The following NKAIN3 variants were observed in gnomAD, a reference collection of about 807,000 sequenced individuals.
NKAIN3 encodes sodium/potassium-transporting ATPase subunit beta-1-interacting protein 3.
A neutral mutation model predicts 30.2 loss-of-function variants in NKAIN3; 25 were observed. The ratio of observed to expected loss-of-function variants is 0.83; its 90% CI spans 0.60 to 1.16. The LOEUF is 1.16. Ranked by LOEUF, NKAIN3 falls within the 50% of genes most tolerant of loss-of-function variation. The pLI, the probability that NKAIN3 is intolerant of heterozygous loss-of-function variation, is 0.00. For missense variants in NKAIN3, 225 were observed against 254.1 expected, an observed-to-expected ratio of 0.89 and a Z score of 0.78; for synonymous variants, 91 against 89.6, an observed-to-expected ratio of 1.02 and a Z score of -0.09.
intron 3 of NKAIN3, among the ~76,000 whole-genome samples, chr8:62,630,595 A>G (rs555733193): frequency 2.6e-5 from 4 of 152,286 alleles, no homozygotes; most frequent in African/African-American, 9.6e-5. Flanking sequence ...GTGTGTATCC[A>G]GAACACCATG....
intron 1 of NKAIN3, among the ~76,000 whole-genome samples, chr8:62,340,122 C>G (rs985968280): frequency 1.3e-5 from 2 of 151,970 alleles, no homozygotes; most frequent in Non-Finnish European, 2.9e-5. Flanking sequence ...TGCAGGAAAA[C>G]TGTATTTTTA....
intron 4 of NKAIN3, among the ~76,000 whole-genome samples, chr8:62,844,854 GC>G (rs575835720): frequency 6.6e-6 from 1 of 152,012 alleles, no homozygotes; most frequent in Non-Finnish European, 1.5e-5. Context: ...GAAATATTGA[GC>G]CTGGGCAGTC....
chr8:62,426,004 A>G (rs1457926296), intron 1 of NKAIN3, among the ~76,000 whole-genome samples: 1 of 151,954 alleles, frequency 6.6e-6, no homozygotes, highest in Non-Finnish European at 1.5e-5. Flanking sequence ...GTCTACTTTA[A>G]TGGATTTGAT....
intron 4 of NKAIN3, among the ~76,000 whole-genome samples, chr8:62,806,626 T>A (rs4557699): frequency 1.3e-5 from 2 of 151,616 alleles, no homozygotes; most frequent in African/African-American, 4.9e-5. Flanking sequence ...GACACTGGAA[T>A]GAGAACATCA....
intron 4 of NKAIN3, among the ~76,000 whole-genome samples, chr8:62,767,702 C>T (rs1008056642): frequency 1.3e-5 from 2 of 151,894 alleles, no homozygotes; most frequent in African/African-American, 2.4e-5. Context: ...GTCTGCTAGA[C>T]CGATCTTCTC....
intron 3 of NKAIN3, among the ~76,000 whole-genome samples, chr8:62,689,327 C>A (rs943112689): frequency 6.6e-6 from 1 of 152,096 alleles, no homozygotes; most frequent in African/African-American, 2.4e-5. Context: ...AGAACACAGC[C>A]CCCAGAGACC....
intron 4 of NKAIN3, among the ~76,000 whole-genome samples, chr8:62,775,795 T>A (rs1817175489): frequency 6.6e-6 from 1 of 152,126 alleles, no homozygotes; most frequent in Admixed American, 6.6e-5. Flanking sequence ...TCTGCAAATA[T>A]CTATTAGGCC....
intron 3 of NKAIN3, among the ~76,000 whole-genome samples, chr8:62,662,720 A>C (rs1193894187): frequency 6.6e-6 from 1 of 152,230 alleles, no homozygotes; most frequent in African/African-American, 2.4e-5. Context: ...ATTACTTAGT[A>C]GATTAGTTGG....
At chr8:62,422,545 C>G (rs554478520) in intron 1 of NKAIN3, among the ~76,000 whole-genome samples, 1 of 152,178 alleles carries the variant, frequency 6.6e-6, no homozygotes, top group Non-Finnish European at 1.5e-5. Flanking sequence ...TGTAGAAGAT[C>G]GCAAATGGCA....
chr8:62,393,609 A>G (rs561600405), intron 1 of NKAIN3, among the ~76,000 whole-genome samples: 1 of 152,074 alleles, frequency 6.6e-6, no homozygotes, highest in African/African-American at 2.4e-5. Context: ...ACAAATATTA[A>G]CATTGGCTTG....
At chr8:62,448,869 C>G (rs953713408) in intron 1 of NKAIN3, among the ~76,000 whole-genome samples, 72 of 152,050 alleles carry the variant, frequency 4.7e-4, no homozygotes, top group African/African-American at 1.6e-3. Flanking sequence ...GGCTTCCCAG[C>G]TTTTTTCCTT....
In NKAIN3 at chr8:62,412,776, G is replaced by C. The variant is rs940321573; in HGVS notation, c.54+163649G>C. On this transcript the variant is annotated intron_variant, in intron 1 of 6. Coordinates refer to ENST00000623646, the MANE Select transcript of NKAIN3 (RefSeq NM_001304533.3). Reference sequence around the variant, plus strand: ...AAAATACAAAAATTAGCCGAGCATAGTGGTGGGTGCCTGTAGCCCCAGCTA... The same window carrying C: ...AAAATACAAAAATTAGCCGAGCATACTGGTGGGTGCCTGTAGCCCCAGCTA... Among the ~76,000 whole-genome samples, 6 of 151,596 alleles carry C rather than the reference G, an allele frequency of 4.0e-5. No individual in the cohort carries two copies. In the South Asian group the frequency reaches 6.3e-4, roughly 16 times the overall value.
chr8:62,730,125 T>A (rs1815421610), intron 3 of NKAIN3, among the ~76,000 whole-genome samples: 1 of 152,180 alleles, frequency 6.6e-6, no homozygotes, highest in Non-Finnish European at 1.5e-5. Context: ...TCTTTTCTAT[T>A]ATATTTTTTA....
intron 3 of NKAIN3, among the ~76,000 whole-genome samples, chr8:62,666,233 T>TC: frequency 6.6e-6 from 1 of 152,036 alleles, no homozygotes; most frequent in African/African-American, 2.4e-5. Flanking sequence ...ATTAATTAAT[T>TC]AATTCATTCA....
At chr8:62,994,903 C>A (rs1276329731) in intron 5 of NKAIN3, among the ~76,000 whole-genome samples, 9 of 152,066 alleles carry the variant, frequency 5.9e-5, no homozygotes, top group Admixed American at 3.3e-4. Flanking sequence ...AATAGGTGAA[C>A]CATAAAATTA....
intron 1 of NKAIN3, among the ~76,000 whole-genome samples, chr8:62,377,502 G>A (rs910527281): frequency 3.3e-5 from 5 of 152,106 alleles, no homozygotes; most frequent in African/African-American, 4.8e-5. Flanking sequence ...TTGCCTTTGT[G>A]GAGTAGAAAA....
At chr8:62,988,122 G>T (rs965839752), downstream of NKAIN3, among the ~76,000 whole-genome samples, 1 of 152,228 alleles carries the variant, frequency 6.6e-6, no homozygotes, top group East Asian at 1.9e-4. Context: ...TGATGCAAGA[G>T]GTGGGCTCCC....
intron 1 of NKAIN3, among the ~76,000 whole-genome samples, chr8:62,331,413 T>C (rs937528906): frequency 1.3e-5 from 2 of 152,054 alleles, no homozygotes; most frequent in African/African-American, 4.8e-5. Context: ...ATCCAGTCTC[T>C]CCCACAAGTT....
intron 3 of NKAIN3, among the ~76,000 whole-genome samples, chr8:62,731,070 C>T (rs73266967): frequency 0.017 from 2,630 of 152,248 alleles, 54 homozygotes; most frequent in African/African-American, 0.054. Context: ...ATCTACCCTA[C>T]ACTCCCCTTG....
Sources: gnomAD v4.1 joint callset for allele counts (sites outside exome capture counted in the v4.1 genomes callset) on GRCh38, gnomAD v4.1.1 for gene constraint, MANE v1.5 for transcripts, NCBI Gene and HGNC (gene_info 2026-07-23, HGNC 2026-07-21) for gene names.